Variants in GALNT14 observed in about 807,000 individuals in gnomAD.
The protein encoded by GALNT14 is UDP-GalNAc:polypeptide N-acetylgalactosaminyltransferase 14.
A neutral mutation model predicts 77.5 loss-of-function variants in GALNT14; 60 were observed. That is an observed-to-expected ratio of 0.77 (90% CI 0.63 to 0.96). The LOEUF is 0.96. GALNT14 is among the 40% of genes least tolerant of loss of function. The pLI is 0.00. For synonymous variants in GALNT14, 280 were observed against 281.7 expected (o/e 0.99, Z 0.06); for missense variants, 710 against 731.0 (o/e 0.97, Z 0.33).
intron 9 of GALNT14, among the ~76,000 whole-genome samples, chr2:30,934,626 C>A (rs1338146651): frequency 6.6e-6 from 1 of 152,134 alleles, no homozygotes; most frequent in Non-Finnish European, 1.5e-5. Flanking sequence ...CTCTCTGAAT[C>A]TACTGACCCC....
At position 31,081,129 on chromosome 2, in the gene GALNT14, T is replaced by C. The variant is rs149960056; in HGVS notation, c.129+56829A>G. Among the ~76,000 whole-genome samples, 476 of 152,336 alleles carry C rather than the reference T, an allele frequency of 3.1e-3. 4 individuals are homozygous for C. The highest frequency in any genetic ancestry group is 0.011 in the African/African-American group (454 of 41,576). On this transcript the variant is annotated intron_variant, in intron 1 of 14. Transcript: ENST00000349752. The stretch of plus-strand genomic sequence containing the variant: ...TTCAAATGCATTGTTGCTGTGAGAA[T>C]ACTTTCCGAAAATAAAACCCAGTGG...
At chr2:31,076,629 A>ATATAT (rs1553373502) in intron 1 of GALNT14, among the ~76,000 whole-genome samples, 2 of 101,916 alleles carry the variant, frequency 2.0e-5, no homozygotes, top group African/African-American at 3.1e-5. Flanking sequence ...ATATATATAT[A>ATATAT]TTTTTTTTTT....
chr2:30,897,698 AGAG>A, the GALNT14 span, among the ~76,000 whole-genome samples: 2 of 152,208 alleles, frequency 1.3e-5, no homozygotes, highest in African/African-American at 4.8e-5. Flanking sequence ...AGGGCTCAGC[AGAG>A]GAGGCCGGGA....
At chr2:31,078,132 T>C (rs934507103) in intron 1 of GALNT14, among the ~76,000 whole-genome samples, 2 of 152,170 alleles carry the variant, frequency 1.3e-5, no homozygotes, top group African/African-American at 4.8e-5. Context: ...GTGGAGACAG[T>C]GCAGGTTCTG....
At chr2:31,049,699 C>G (rs1185223642) in intron 1 of GALNT14, among the ~76,000 whole-genome samples, 1 of 152,202 alleles carries the variant, frequency 6.6e-6, no homozygotes, top group Non-Finnish European at 1.5e-5. Context: ...AGCAGCCTGG[C>G]TGGAAGGAGG....
Position 31,000,435 on chromosome 2 carries a change from CTGTGTGTGTGTGTGTG to C in GALNT14, c.130-7444_130-7429del, listed in dbSNP as rs3223043. 1.1e-4 allele frequency among the ~76,000 whole-genome samples: 16 copies of C among 146,080 alleles called. No homozygotes were observed. The South Asian group carries it at 2.3e-3, about 21-fold the overall frequency. ...GGGTTCTACAGAAAAATATCACCAA[CTGTGTGTGTGTGTGTG>C]TGTGTGTGTGTGTGTGTGTGTGTAT... On this transcript the variant is annotated intron_variant, in intron 1 of 14. Coordinates refer to ENST00000349752, the MANE Select transcript of GALNT14 (RefSeq NM_024572.4).
At chr2:30,918,054 C>T (rs1664789869) in intron 13 of GALNT14, among the ~76,000 whole-genome samples, 2 of 152,200 alleles carry the variant, frequency 1.3e-5, no homozygotes, top group Non-Finnish European at 2.9e-5. Context: ...CTCAGTCCCT[C>T]CCTGGTGGAG....
At chr2:31,070,077 G>A (rs1002098112) in intron 1 of GALNT14, among the ~76,000 whole-genome samples, 2 of 152,256 alleles carry the variant, frequency 1.3e-5, no homozygotes, top group South Asian at 2.1e-4. Context: ...ACCTCTGGGA[G>A]AAAAGAGAAG....
At position 30,980,000 on chromosome 2, in the gene GALNT14, C is replaced by T. The variant is rs192609494; in HGVS notation, c.299+12838G>A. On this transcript the variant is annotated intron_variant, in intron 2 of 14. Transcript: ENST00000349752. The stretch of plus-strand genomic sequence containing the variant: ...ATTTCACCAGATGTGGCACTGCAGT[C>T]GCCTCCTCGCTCATTTTGCTTTCCA... 2.2e-3 allele frequency among the ~76,000 whole-genome samples: 335 copies of T among 152,356 alleles called. 1 individual carries two copies. The highest frequency in any genetic ancestry group is 6.8e-3 in the South Asian group (33 of 4,832).
In GALNT14 at chr2:30,932,165, C is replaced by A; in HGVS notation, c.961G>T (p.Gly321Cys). Residue 321 changes from glycine (G) to cysteine (C), a missense_variant, in exon 10 of 15, where the codon GGC (glycine) becomes TGC (cysteine). Transcript: ENST00000349752. Reference protein sequence around the residue: ...EISFRVWMCGGSLEIVPCSRV... With the variant: ...EISFRVWMCGCSLEIVPCSRV... ...CTGCAGGGGACGATCTCTAGGCTGC[C>A]CCCGCACATCCACACTCGGAAGGAG... 1 of 1,543,008 alleles carries A rather than the reference C, an allele frequency of 6.5e-7. No individual in the cohort carries two copies. Among genetic ancestry groups the A allele is most frequent in the Non-Finnish European group, 8.7e-7 (1 of 1,144,804 alleles).
intron 1 of GALNT14, among the ~76,000 whole-genome samples, chr2:31,131,244 C>A (rs554285152): frequency 6.6e-6 from 1 of 152,260 alleles, no homozygotes; most frequent in South Asian, 2.1e-4. Context: ...TATCTCCTGC[C>A]GCTTGTGTGC....
At position 30,910,560 on chromosome 2, in the gene GALNT14, G is replaced by T. The variant is rs1323308745; in HGVS notation, c.*341C>A. ...TAGTCCTGGCCTAGTGAAAAAGAAG[G>T]CTTTTCTTTCTGGCCTCCAGAGACT... On this transcript the variant is annotated 3_prime_UTR_variant, in exon 15 of 15. Coordinates refer to ENST00000349752, the MANE Select transcript of GALNT14 (RefSeq NM_024572.4). The T allele has an allele frequency of 4.7e-6, 1 of 214,768 alleles. No homozygotes were observed. Among genetic ancestry groups the T allele is most frequent in the Non-Finnish European group, 9.1e-6 (1 of 109,304 alleles). 13.3% of individuals were successfully genotyped at this position (214,768 alleles called of 1,614,324 possible). A position where few individuals can be genotyped will look rare whatever the true frequency, so the allele number is the denominator to read the frequency against.
chr2:31,059,283 C>G (rs766327807), intron 1 of GALNT14, among the ~76,000 whole-genome samples: 8 of 152,124 alleles, frequency 5.3e-5, no homozygotes, highest in Admixed American at 2.6e-4. Flanking sequence ...GAATTAAGAA[C>G]AGAAATCACA....
At chr2:31,040,224 T>C (rs1673018298) in intron 1 of GALNT14, among the ~76,000 whole-genome samples, 1 of 152,230 alleles carries the variant, frequency 6.6e-6, no homozygotes, top group Non-Finnish European at 1.5e-5. Context: ...TTGGGGTTTT[T>C]TTGTTCTTGG....
chr2:31,009,957 CT>C (rs1670914997), intron 1 of GALNT14, among the ~76,000 whole-genome samples: 1 of 152,158 alleles, frequency 6.6e-6, no homozygotes, highest in African/African-American at 2.4e-5. Flanking sequence ...CATTTGATCC[CT>C]CCAATTCATT....
At chr2:31,128,604 C>CA (rs1203261659) in intron 1 of GALNT14, among the ~76,000 whole-genome samples, 3 of 152,190 alleles carry the variant, frequency 2.0e-5, no homozygotes, top group Non-Finnish European at 4.4e-5. Context: ...ATGAACAGCA[C>CA]AGCCTCCTGT....
chr2:31,062,672 C>T (rs1674679254), intron 1 of GALNT14, among the ~76,000 whole-genome samples: 1 of 152,016 alleles, frequency 6.6e-6, no homozygotes, highest in African/African-American at 2.4e-5. Flanking sequence ...ATTTCCACTC[C>T]CATCAACAGT....
chr2:30,965,525 C>T (rs1667950554), intron 3 of GALNT14, among the ~76,000 whole-genome samples: 1 of 152,040 alleles, frequency 6.6e-6, no homozygotes, highest in South Asian at 2.1e-4. Flanking sequence ...CTGGGTAAGC[C>T]TTCTGGGTGC....
intron 4 of GALNT14, 127 bp from the exon 5 acceptor site, chr2:30,956,104 G>C: frequency 9.5e-6 from 8 of 842,740 alleles, no homozygotes; most frequent in African/African-American, 1.7e-5. Flanking sequence ...TAACTGCAGA[G>C]TGCAGTCCTG....
Sources: allele counts gnomAD v4.1 joint callset (sites outside exome capture counted in the v4.1 genomes callset), GRCh38; gene constraint gnomAD v4.1.1; transcripts MANE v1.5; gene names NCBI Gene and HGNC (gene_info 2026-07-23, HGNC 2026-07-21).